EHD2: variants seen among roughly 807,000 people sequenced by gnomAD.
EHD2 encodes EH domain-containing protein 2.
Under a neutral mutation model 41.0 loss-of-function variants are expected in EHD2, and 27 were observed. The ratio of observed to expected loss-of-function variants is 0.66; its 90% confidence interval spans 0.49 to 0.91. The LOEUF (loss-of-function observed/expected upper bound fraction) is 0.91. Among genes scored for constraint, EHD2 ranks in the 40% least tolerant of loss-of-function variants. The probability of loss-of-function intolerance (pLI) is 0.00; values close to 1 mark genes in which losing one functional copy is unlikely to be tolerated. For synonymous variants in EHD2, 342 were observed against 341.0 expected (o/e 1.00, Z -0.03); for missense variants, 673 against 773.9 (o/e 0.87, Z 1.55).
chr19:47,731,279 A>AAAAATATAT lies in EHD2; in HGVS notation c.915+5056_915+5057insAAATATATA. On this transcript the variant is annotated intron_variant, in intron 4 of 5. Coordinates refer to ENST00000263277, the MANE Select transcript of EHD2 (RefSeq NM_014601.4). ...ATTTGTGATTCTTTAAAAAAAAAAAAATATATATATATATATATATATACA... is the reference window on the plus strand; with the variant it reads ...ATTTGTGATTCTTTAAAAAAAAAAAAAAAATATATATATATATATATATATATATATACA... The AAAAATATAT allele has an allele frequency of 1.0e-3, 62 of 60,922 alleles. 3 individuals are homozygous for AAAAATATAT. Among genetic ancestry groups the AAAAATATAT allele is most frequent in the African/African-American group, 2.8e-3 (58 of 20,468 alleles). The allele number at this position is 60,922 out of a possible 1,614,324, so 3.8% of individuals were successfully genotyped here. A position where few individuals can be genotyped will look rare whatever the true frequency, so the allele number is the denominator to read the frequency against.
chr19:47,728,208 T>C (rs1973772283), intron 4 of EHD2, among the ~76,000 whole-genome samples: 1 of 152,042 alleles, frequency 6.6e-6, no homozygotes, highest in African/African-American at 2.4e-5. Context: ...CTCTCACTCC[T>C]TTCCTCTGTC....
chr19:47,736,384 A>C lies in EHD2; in HGVS notation c.931A>C (p.Ile311Leu), dbSNP rs561331165. 1 of 1,613,306 alleles carries C rather than the reference A, an allele frequency of 6.2e-7. No individual in the cohort carries two copies. The highest frequency in any genetic ancestry group is 1.1e-5 in the South Asian group (1 of 90,810). ...ARLVRVHAYIISYLKKEMPSV... is the reference protein window; with the variant it reads ...ARLVRVHAYILSYLKKEMPSV... ...CTTCCCACAGGTTCACGCTTACATCATCAGCTACCTGAAGAAGGAGATGCC... is the reference window on the plus strand; with the variant it reads ...CTTCCCACAGGTTCACGCTTACATCCTCAGCTACCTGAAGAAGGAGATGCC... The change falls in exon 5 of 6, where the codon ATC becomes CTC. Residue 311 changes from isoleucine to leucine, a missense_variant. By Grantham distance (5) the Ile-to-Leu change is conservative. Coordinates refer to ENST00000263277, the MANE Select transcript of EHD2 (RefSeq NM_014601.4).
At chr19:47,723,466 C>T (rs1033330344) in intron 3 of EHD2, among the ~76,000 whole-genome samples, 2 of 151,948 alleles carry the variant, frequency 1.3e-5, no homozygotes, top group African/African-American at 4.8e-5. Flanking sequence ...TGGAGACCAT[C>T]CTGGCCAACA....
intron 4 of EHD2, among the ~76,000 whole-genome samples, chr19:47,734,334 A>G (rs1039261388): frequency 2.9e-4 from 44 of 151,540 alleles, no homozygotes; most frequent in Admixed American, 1.3e-4. Context: ...GACCCTGTCT[A>G]AAAAAAGCAA....
At chr19:47,720,513 A>G (rs1389478300) in intron 3 of EHD2, among the ~76,000 whole-genome samples, 1 of 151,928 alleles carries the variant, frequency 6.6e-6, no homozygotes, top group African/African-American at 2.4e-5. Flanking sequence ...GTGTAGGGCT[A>G]TGAGAGACTT....
intron 4 of EHD2, 38 bp from the exon 5 acceptor site, chr19:47,736,331 G>A: frequency 1.3e-6 from 2 of 1,571,192 alleles, no homozygotes; most frequent in South Asian, 2.4e-5. Flanking sequence ...CTCCCTGGTG[G>A]ACCCTGATGC....
At position 47,741,405 on chromosome 19, in the gene EHD2, GCGA is replaced by G. The variant is rs754566266; in HGVS notation, c.1608_1610del (p.Arg537del). 15 of 1,592,654 alleles carry G rather than the reference GCGA, an allele frequency of 9.4e-6. No homozygotes were observed. Among genetic ancestry groups the G allele is most frequent in the Non-Finnish European group, 1.3e-5 (15 of 1,176,108 alleles). ...CCCGTCGCCTGGTGCCACCCTCCAA[GCGA>G]CGCCACAAGGGCTCCGCCGAGTGAG... On this transcript the variant is annotated inframe_deletion, in exon 6 of 6. Coordinates refer to ENST00000263277, the MANE Select transcript of EHD2 (RefSeq NM_014601.4). The surrounding 1 kb of genome is among the most constrained non-coding windows in gnomAD (Gnocchi z 4.5).
chr19:47,714,670 T>A (rs1244876604), intron 1 of EHD2, among the ~76,000 whole-genome samples: 2 of 152,124 alleles, frequency 1.3e-5, no homozygotes, highest in Non-Finnish European at 2.9e-5. Context: ...GAGTCCCAGC[T>A]TGAGCATTTT....
At chr19:47,725,425 C>T (rs1973740530) in intron 3 of EHD2, among the ~76,000 whole-genome samples, 1 of 138,332 alleles carries the variant, frequency 7.2e-6, no homozygotes, top group Non-Finnish European at 1.5e-5. Context: ...AAAAATTAGC[C>T]AGGTGTGGTG....
In EHD2 at chr19:47,741,862, A is replaced by C. The variant is rs1257742128; in HGVS notation, c.*430A>C. ...CACCTACACAGTCACGCAAACACAC[A>C]CTAATTCCTGGCAGGGCCCCCAGCC... On this transcript the variant is annotated 3_prime_UTR_variant, in exon 6 of 6. Transcript: ENST00000263277. This position sits in a 1 kb window ranked among gnomAD's most constrained non-coding sequence, Gnocchi z 4.5. 2.2e-6 allele frequency: 1 copy of C among 461,636 alleles called. No individual in the cohort carries two copies. The highest frequency in any genetic ancestry group is 1.5e-5 in the South Asian group (1 of 64,590). 28.6% of individuals were successfully genotyped at this position (461,636 alleles called of 1,614,324 possible). A position where few individuals can be genotyped will look rare whatever the true frequency, so the allele number is the denominator to read the frequency against.
intron 5 of EHD2, among the ~76,000 whole-genome samples, chr19:47,737,200 C>T (rs1376726705): frequency 3.6e-5 from 5 of 140,544 alleles, no homozygotes; most frequent in South Asian, 2.2e-4. Flanking sequence ...CACTTTACTC[C>T]GGCCTAGGCA....
chr19:47,727,022 C>T (rs1973760419), intron 4 of EHD2, among the ~76,000 whole-genome samples: 1 of 152,084 alleles, frequency 6.6e-6, no homozygotes, highest in Non-Finnish European at 1.5e-5. Flanking sequence ...TTATTCTACC[C>T]TCTTTATTTT....
rs752344653 is a variant in EHD2, at chr19:47,726,102, C to G, written c.793C>G (p.Pro265Ala). The change falls in exon 4 of 6, where the codon CCC (proline) becomes GCC (alanine). Residue 265 changes from proline to alanine, a missense_variant. By Grantham distance (27) the Pro-to-Ala change is conservative. Coordinates refer to ENST00000263277, the MANE Select transcript of EHD2 (RefSeq NM_014601.4). Reference protein sequence around the residue: ...GSFWSQPLLVPDNRRLFELEE... With the variant: ...GSFWSQPLLVADNRRLFELEE... ...CTTCTGGTCCCAGCCCCTCCTCGTG[C>G]CCGACAACCGGCGCCTCTTCGAGCT... is the stretch of plus-strand genomic sequence containing the variant. The G allele has an allele frequency of 8.9e-6, 14 of 1,574,070 alleles. No homozygotes were observed. The highest frequency in any genetic ancestry group is 8.6e-6 in the Non-Finnish European group (10 of 1,161,002).
intron 4 of EHD2, among the ~76,000 whole-genome samples, chr19:47,730,277 C>T (rs1295007283): frequency 6.6e-6 from 1 of 152,048 alleles, no homozygotes; most frequent in Non-Finnish European, 1.5e-5. Context: ...AGCCGCCCTT[C>T]GGCCCTGCCC....
intron 5 of EHD2, 23 bp from the exon 6 acceptor site, chr19:47,740,858 G>T: frequency 1.2e-6 from 2 of 1,607,242 alleles, no homozygotes; most frequent in Non-Finnish European, 8.5e-7. Flanking sequence ...TTGAATTCTG[G>T]GTGCCCCTGT....
rs1973669245 is a variant in EHD2, at chr19:47,719,226, G to C, written c.502+620G>C. Among the ~76,000 whole-genome samples the C allele has an allele frequency of 6.6e-6, 1 of 152,146 alleles. No individual in the cohort carries two copies. Among genetic ancestry groups the C allele is most frequent in the Admixed American group, 6.5e-5 (1 of 15,278 alleles). ...AGGGACAGGGATTCCGAGGCAGTGA[G>C]ACAGCGACGCAGGGAGACACAAGGC... On this transcript the variant is annotated intron_variant, in intron 3 of 5. Coordinates refer to ENST00000263277, the MANE Select transcript of EHD2 (RefSeq NM_014601.4). The surrounding 1 kb of genome is among the most constrained non-coding windows in gnomAD (Gnocchi z 4.1).
intron 5 of EHD2, among the ~76,000 whole-genome samples, chr19:47,736,960 G>A (rs1410449962): frequency 1.3e-5 from 2 of 152,188 alleles, no homozygotes; most frequent in African/African-American, 2.4e-5. Flanking sequence ...GGCCAGGCAT[G>A]GTGGCTCACG....
chr19:47,731,304 A>ATATATATATATGTG (rs1973812606), intron 4 of EHD2: 2 of 57,818 alleles, frequency 3.5e-5, no homozygotes, highest in Non-Finnish European at 8.8e-5. Context: ...ATATATATAC[A>ATATATATATATGTG]TATATATATA....
In EHD2 at chr19:47,716,636, C is replaced by T. The variant is rs11550017; in HGVS notation, c.24C>T (p.Gly8=). Residue 8 remains glycine (G), a synonymous_variant, in exon 2 of 6, where the codon GGC becomes GGT. Transcript: ENST00000263277. ...CCATGTTCAGCTGGCTGAAGCGGGGCGGGGCACGGGGCCAGCAGCCCGAGG... is the reference window on the plus strand; with the variant it reads ...CCATGTTCAGCTGGCTGAAGCGGGGTGGGGCACGGGGCCAGCAGCCCGAGG... The part of the protein sequence containing the change: MFSWLKR[G]GARGQQPEAI... 0.089 allele frequency: 137,710 copies of T among 1,551,116 alleles called. 6,771 individuals are homozygous for T. Among genetic ancestry groups the T allele is most frequent in the Non-Finnish European group, 0.1 (117,965 of 1,148,816 alleles).
Sources: gnomAD v4.1 joint callset for allele counts (sites outside exome capture counted in the v4.1 genomes callset) on GRCh38, gnomAD v4.1.1 for gene constraint, Gnocchi (gnomAD v3.1) non-coding constraint, MANE v1.5 for transcripts, NCBI Gene and HGNC (gene_info 2026-07-23, HGNC 2026-07-21) for gene names.